EPHB1: variants seen among roughly 807,000 people sequenced by gnomAD.
EPHB1 encodes the protein EPH receptor B1.
EPHB1 carries 30 observed loss-of-function variants against 94.4 expected under a neutral mutation model. The observed-to-expected ratio is 0.32, with a 90% CI of 0.24 to 0.43. The LOEUF is 0.43. Among genes scored for constraint, EPHB1 ranks in the 20% least tolerant of loss-of-function variants. The pLI is 1.00. For missense variants in EPHB1, 1,055 were observed against 1,308.3 expected, an observed-to-expected ratio of 0.81 and a Z score of 2.99; for synonymous variants, 522 against 489.1, an observed-to-expected ratio of 1.07 and a Z score of -0.89.
chr3:134,804,471 AATGTCC>A (rs2035998242), intron 1 of EPHB1, among the ~76,000 whole-genome samples: 1 of 152,062 alleles, frequency 6.6e-6, no homozygotes, highest in East Asian at 1.9e-4. Context: ...AATCCATATC[AATGTCC>A]ATCTAGATAT....
At chr3:134,965,825 C>T (rs1178347599) in intron 3 of EPHB1, among the ~76,000 whole-genome samples, 2 of 152,046 alleles carry the variant, frequency 1.3e-5, no homozygotes. Flanking sequence ...CTCATAGCCT[C>T]AGTGCACAAA....
intron 3 of EPHB1, among the ~76,000 whole-genome samples, chr3:134,959,123 T>C (rs1192283081): frequency 1.3e-5 from 2 of 152,184 alleles, no homozygotes; most frequent in Non-Finnish European, 2.9e-5. Flanking sequence ...AGAGACATCA[T>C]ATGGTTATTA....
intron 3 of EPHB1, among the ~76,000 whole-genome samples, chr3:134,990,307 T>A (rs969492039): frequency 1.3e-5 from 2 of 152,224 alleles, no homozygotes; most frequent in African/African-American, 4.8e-5. Flanking sequence ...AATTCAACAA[T>A]TTCACCAGGC....
chr3:134,932,934 A>G (rs2038932819), intron 2 of EPHB1, among the ~76,000 whole-genome samples: 1 of 152,202 alleles, frequency 6.6e-6, no homozygotes, highest in African/African-American at 2.4e-5. Flanking sequence ...GCACCACTGA[A>G]TGGGGACTTG....
At chr3:135,183,030 C>CTTTTCTTTTCT (rs11459145) in intron 10 of EPHB1, among the ~76,000 whole-genome samples, 1,717 of 66,132 alleles carry the variant, frequency 0.026, 16 homozygotes, top group Middle Eastern at 0.066. Flanking sequence ...CTTTTCTTTT[C>CTTTTCTTTTCT]TTTCTTTCTT....
chr3:134,818,541 C>G (rs777825680), intron 1 of EPHB1, among the ~76,000 whole-genome samples: 50 of 152,196 alleles, frequency 3.3e-4, no homozygotes, highest in Non-Finnish European at 4.8e-4. Flanking sequence ...ACTCTTCCCT[C>G]TCTTACCCCA....
intron 5 of EPHB1, among the ~76,000 whole-genome samples, chr3:135,134,336 C>A (rs1336345436): frequency 6.6e-6 from 1 of 152,192 alleles, no homozygotes; most frequent in Non-Finnish European, 1.5e-5. Flanking sequence ...ACCTCCCCAC[C>A]CTCAGACTCA....
intron 3 of EPHB1, among the ~76,000 whole-genome samples, chr3:135,025,301 G>A (rs36117574): frequency 0.18 from 21,774 of 118,080 alleles, 2,909 homozygotes; most frequent in East Asian, 0.63. Flanking sequence ...ATGCTGGTGT[G>A]CTGCACCCAC....
chr3:135,063,320 A>G (rs980125514), intron 3 of EPHB1, among the ~76,000 whole-genome samples: 37 of 152,300 alleles, frequency 2.4e-4, no homozygotes, highest in Admixed American at 1.8e-3. Context: ...ATCCATGAGC[A>G]TGGGATGTGT....
chr3:135,201,669 C>T lies in EPHB1; in HGVS notation c.2326C>T (p.Pro776Ser). ...CTACCTCCAGGATGACACCTCAGAT[C>T]CCACCTACACCAGCTCCTTGGTGAG... ...SRYLQDDTSD[P>S]TYTSSLGGKI... is the part of the protein sequence containing the mutation. The change falls in exon 12 of 16, where the codon CCC becomes TCC. Residue 776 changes from proline (P) to serine (S), a missense_variant. Physicochemically the swap from Pro to Ser is moderately conservative, Grantham distance 74. Transcript: ENST00000398015. The T allele has an allele frequency of 6.2e-7, 1 of 1,613,746 alleles. No homozygotes were observed. Among genetic ancestry groups the T allele is most frequent in the Non-Finnish European group, 8.5e-7 (1 of 1,179,896 alleles).
chr3:135,164,300 C>T (rs1194343301), intron 7 of EPHB1, among the ~76,000 whole-genome samples: 1 of 152,170 alleles, frequency 6.6e-6, no homozygotes, highest in African/African-American at 2.4e-5. Context: ...AACCAATATC[C>T]TTGTTCTTAG....
chr3:134,833,890 G>A (rs2036623837), intron 1 of EPHB1, among the ~76,000 whole-genome samples: 1 of 152,236 alleles, frequency 6.6e-6, no homozygotes, highest in South Asian at 2.1e-4. Context: ...CGTGGGCTGA[G>A]TTGAGTATAG....
At chr3:135,223,521 T>C (rs995951125) in intron 12 of EPHB1, among the ~76,000 whole-genome samples, 1 of 152,200 alleles carries the variant, frequency 6.6e-6, no homozygotes, top group African/African-American at 2.4e-5. Context: ...GAAGAGAGTT[T>C]ACAAACCATG....
chr3:135,019,145 A>G (rs1365803076), intron 3 of EPHB1, among the ~76,000 whole-genome samples: 1 of 152,090 alleles, frequency 6.6e-6, no homozygotes, highest in Non-Finnish European at 1.5e-5. Context: ...TCAGACCCCG[A>G]GCCTTTAGCA....
chr3:135,134,738 T>C (rs1249574801), intron 5 of EPHB1, among the ~76,000 whole-genome samples: 1 of 152,224 alleles, frequency 6.6e-6, no homozygotes, highest in African/African-American at 2.4e-5. Flanking sequence ...TTGAAGAGTT[T>C]AGGCAGAAAA....
intron 3 of EPHB1, among the ~76,000 whole-genome samples, chr3:135,013,060 G>A (rs946545782): frequency 1.3e-5 from 2 of 152,062 alleles, no homozygotes; most frequent in African/African-American, 2.4e-5. Flanking sequence ...ATTTCAGAAC[G>A]AAAGCCTTTC....
chr3:134,951,897 C>G lies in EPHB1; in HGVS notation c.650C>G (p.Ser217Cys). The part of the protein sequence containing the change: ...PETMTGAEST[S>C]LVIARGTCIP... ...ACTATGACAGGGGCAGAGAGCACAT[C>G]TCTGGTGATTGCTCGGGGCACATGC... The change falls in exon 3 of 16, where the codon TCT becomes TGT. Residue 217 changes from serine to cysteine, a missense_variant. Ser to Cys is a moderately radical substitution (Grantham distance 112). Coordinates refer to ENST00000398015, the MANE Select transcript of EPHB1 (RefSeq NM_004441.5). The surrounding 1 kb of genome is among the most constrained non-coding windows in gnomAD (Gnocchi z 4.5). The G allele has an allele frequency of 6.2e-7, 1 of 1,614,022 alleles. No individual in the cohort carries two copies.
chr3:134,799,816 G>A (rs1299921748), intron 1 of EPHB1, among the ~76,000 whole-genome samples: 1 of 152,160 alleles, frequency 6.6e-6, no homozygotes, highest in Admixed American at 6.5e-5. Flanking sequence ...AGCCCATGAG[G>A]CAGAGGCATG....
chr3:134,841,895 T>C (rs1357826132), intron 1 of EPHB1, among the ~76,000 whole-genome samples: 2 of 152,242 alleles, frequency 1.3e-5, no homozygotes, highest in Non-Finnish European at 2.9e-5. Context: ...CCTTTGTTTT[T>C]TCCTGGCTGA....
Sources: allele counts gnomAD v4.1 joint callset (sites outside exome capture counted in the v4.1 genomes callset), GRCh38; gene constraint gnomAD v4.1.1; non-coding constraint Gnocchi (gnomAD v3.1); transcripts MANE v1.5; gene names NCBI Gene and HGNC (gene_info 2026-07-23, HGNC 2026-07-21).